SLC35F4: variants seen among roughly 807,000 people sequenced by gnomAD.
SLC35F4 encodes the protein chromosome 14 open reading frame 36.
Under a neutral mutation model 44.2 loss-of-function variants are expected in SLC35F4, and 24 were observed. That is an observed-to-expected ratio of 0.54 (90% confidence interval 0.39 to 0.76). The LOEUF (loss-of-function observed/expected upper bound fraction) is 0.76. Ranked by LOEUF, SLC35F4 falls within the 30% of genes least tolerant of loss-of-function variation. The pLI is 0.00. For synonymous variants in SLC35F4, 238 were observed against 223.6 expected (o/e 1.06, Z -0.57); for missense variants, 562 against 586.1 (o/e 0.96, Z 0.42).
chr14:57,757,660 C>A (rs1346418798), intron 1 of SLC35F4, among the ~76,000 whole-genome samples: 1 of 152,048 alleles, frequency 6.6e-6, no homozygotes, highest in African/African-American at 2.4e-5. Context: ...TAATATACTT[C>A]CATTTATTTT....
intron 1 of SLC35F4, among the ~76,000 whole-genome samples, chr14:57,821,390 T>C (rs959266891): frequency 1.3e-5 from 2 of 152,192 alleles, no homozygotes; most frequent in Non-Finnish European, 2.9e-5. Context: ...GGTGTAGAAA[T>C]TCACTTTGCA....
chr14:57,566,692 A>G, intron 6 of SLC35F4, 128 bp from the exon 7 acceptor site: 1 of 846,494 alleles, frequency 1.2e-6, no homozygotes, highest in Non-Finnish European at 1.9e-6. Context: ...TTGATCCTCT[A>G]ATTTTGGAGA....
At chr14:57,671,238 G>C (rs373587470) in intron 1 of SLC35F4, among the ~76,000 whole-genome samples, 1 of 152,094 alleles carries the variant, frequency 6.6e-6, no homozygotes, top group South Asian at 2.1e-4. Flanking sequence ...CCCATGCACA[G>C]AATGAGAAGC....
intron 1 of SLC35F4, among the ~76,000 whole-genome samples, chr14:57,641,124 GA>G (rs1430821744): frequency 6.6e-6 from 1 of 151,832 alleles, no homozygotes; most frequent in Non-Finnish European, 1.5e-5. Context: ...GCCTTAGAGA[GA>G]AAGCAAAGAT....
At chr14:57,743,454 C>G (rs973791712) in intron 1 of SLC35F4, among the ~76,000 whole-genome samples, 2 of 152,170 alleles carry the variant, frequency 1.3e-5, no homozygotes, top group African/African-American at 2.4e-5. Flanking sequence ...CACCTCTACA[C>G]AAATAAACTA....
chr14:57,747,257 C>T (rs985516328), intron 1 of SLC35F4, among the ~76,000 whole-genome samples: 1 of 152,138 alleles, frequency 6.6e-6, no homozygotes, highest in African/African-American at 2.4e-5. Flanking sequence ...GTGCTTACTG[C>T]ACTGGGCATT....
intron 1 of SLC35F4, among the ~76,000 whole-genome samples, chr14:57,649,452 T>C (rs1429832782): frequency 6.6e-6 from 1 of 152,184 alleles, no homozygotes; most frequent in Non-Finnish European, 1.5e-5. Context: ...TCTCTGACTC[T>C]GACCCTCCTG....
At chr14:57,843,159 G>T (rs1340295418) in intron 1 of SLC35F4, among the ~76,000 whole-genome samples, 1 of 152,128 alleles carries the variant, frequency 6.6e-6, no homozygotes, top group Non-Finnish European at 1.5e-5. Flanking sequence ...CTTGCAGATG[G>T]CCTATTGTGG....
At chr14:57,824,570 G>C (rs1158988449) in intron 1 of SLC35F4, among the ~76,000 whole-genome samples, 1 of 152,010 alleles carries the variant, frequency 6.6e-6, no homozygotes, top group Non-Finnish European at 1.5e-5. Flanking sequence ...TGATGGAGAG[G>C]GTACAATTTT....
intron 1 of SLC35F4, among the ~76,000 whole-genome samples, chr14:57,747,973 T>C (rs12431701): frequency 0.22 from 33,251 of 152,142 alleles, 4,161 homozygotes; most frequent in South Asian, 0.34. Context: ...TTTAGGAGCA[T>C]TTACTTTCCC....
intron 1 of SLC35F4, among the ~76,000 whole-genome samples, chr14:57,711,087 G>A (rs531427454): frequency 1.3e-5 from 2 of 152,036 alleles, no homozygotes; most frequent in Non-Finnish European, 2.9e-5. Context: ...CCCATAATCC[G>A]CACATATCAT....
At chr14:57,668,756 G>A (rs1047212619) in intron 1 of SLC35F4, among the ~76,000 whole-genome samples, 3 of 152,066 alleles carry the variant, frequency 2.0e-5, no homozygotes, top group African/African-American at 7.3e-5. Flanking sequence ...TTTGAAGTCA[G>A]GTAGCATGAT....
At chr14:57,683,916 G>A (rs896644190) in intron 1 of SLC35F4, among the ~76,000 whole-genome samples, 1 of 152,028 alleles carries the variant, frequency 6.6e-6, no homozygotes, top group Non-Finnish European at 1.5e-5. Context: ...ACATAGGAGT[G>A]GCCATCTGAT....
chr14:57,643,059 TTAATC>T (rs2073321601), intron 1 of SLC35F4, among the ~76,000 whole-genome samples: 1 of 112,226 alleles, frequency 8.9e-6, no homozygotes, highest in East Asian at 2.1e-4. Flanking sequence ...ATCAGAATGA[TTAATC>T]TAATTAGCCC....
At chr14:57,705,610 T>C (rs1356535971) in intron 1 of SLC35F4, among the ~76,000 whole-genome samples, 1 of 152,160 alleles carries the variant, frequency 6.6e-6, no homozygotes, top group Non-Finnish European at 1.5e-5. Context: ...TAGCCCCACT[T>C]CCATGACCCC....
intron 1 of SLC35F4, among the ~76,000 whole-genome samples, chr14:57,756,650 T>C (rs2140594595): frequency 6.6e-6 from 1 of 152,124 alleles, no homozygotes; most frequent in East Asian, 1.9e-4. Context: ...TTTTATCTAC[T>C]TGTTCTGTTA....
At chr14:57,921,476 C>G (rs1360869173) in intron 1 of SLC35F4, among the ~76,000 whole-genome samples, 1 of 152,182 alleles carries the variant, frequency 6.6e-6, no homozygotes, top group Non-Finnish European at 1.5e-5. Flanking sequence ...ATAATAGTAC[C>G]TAAGGTCCTT....
chr14:57,574,333 T>A (rs1448547905), intron 4 of SLC35F4, among the ~76,000 whole-genome samples: 3 of 152,228 alleles, frequency 2.0e-5, no homozygotes, highest in African/African-American at 7.2e-5. Context: ...CAAGTGCTTG[T>A]GAAAATATTA....
At chr14:57,627,805 C>T (rs2072548262) in intron 1 of SLC35F4, among the ~76,000 whole-genome samples, 1 of 151,634 alleles carries the variant, frequency 6.6e-6, no homozygotes. Context: ...AATTTAATTC[C>T]TTCCTTTTTT....
Sources: gnomAD v4.1 joint callset for allele counts (sites outside exome capture counted in the v4.1 genomes callset) on GRCh38, gnomAD v4.1.1 for gene constraint, MANE v1.5 for transcripts, NCBI Gene and HGNC (gene_info 2026-07-23, HGNC 2026-07-21) for gene names.